The following MXRA7 variants were observed in gnomAD, a reference collection of about 807,000 sequenced individuals.
MXRA7 encodes the protein matrix-remodeling-associated protein 7.
In MXRA7, 18 loss-of-function variants were observed where a neutral mutation model predicts 17.4. The observed-to-expected ratio is 1.03, with a 90% CI of 0.71 to 1.53. MXRA7 has a LOEUF of 1.53. Ranked by LOEUF, MXRA7 falls within the 40% of genes most tolerant of loss-of-function variation. The probability of loss-of-function intolerance (pLI) is 0.00; values close to 1 mark genes in which losing one functional copy is unlikely to be tolerated. For missense variants in MXRA7, 141 were observed against 209.3 expected, an observed-to-expected ratio of 0.67 and a Z score of 2.01; for synonymous variants, 70 against 101.7, an observed-to-expected ratio of 0.69 and a Z score of 1.87.
At chr17:76,695,789 ACAGT>A (rs2076527936) in intron 1 of MXRA7, among the ~76,000 whole-genome samples, 1 of 152,106 alleles carries the variant, frequency 6.6e-6, no homozygotes, top group Admixed American at 6.5e-5. Context: ...TGGGTGTGAC[ACAGT>A]CAGAAATAGT....
At chr17:76,688,010 C>CAA in intron 2 of MXRA7, 103 bp downstream of exon 2, 81 of 658,870 alleles carry the variant, frequency 1.2e-4, no homozygotes, top group East Asian at 2.2e-4. Context: ...CCCACCCCAT[C>CAA]CCTCCCCTCG....
At chr17:76,702,991 G>A (rs2076613178) in intron 1 of MXRA7, among the ~76,000 whole-genome samples, 1 of 150,400 alleles carries the variant, frequency 6.6e-6, no homozygotes, top group African/African-American at 2.4e-5. Flanking sequence ...ACACCACTGG[G>A]CTGGGGGCAT....
At chr17:76,695,198 C>T (rs1354075256) in intron 1 of MXRA7, among the ~76,000 whole-genome samples, 1 of 152,016 alleles carries the variant, frequency 6.6e-6, no homozygotes, top group East Asian at 1.9e-4. Flanking sequence ...ATAAAACCAC[C>T]AGTGTTGACT....
chr17:76,688,102 G>A lies in MXRA7; in HGVS notation c.406+11C>T, dbSNP rs1008897746. The A allele has an allele frequency of 1.2e-6, 2 of 1,612,876 alleles. No individual in the cohort carries two copies. The highest frequency in any genetic ancestry group is 1.1e-5 in the South Asian group (1 of 91,004). ...GTCAGGCCCCCTCATGAGCGCAGAG[G>A]TCCCACTCACCGTCCTCCTCCTCAG... On this transcript the variant is annotated intron_variant, in intron 2 of 3. Coordinates refer to ENST00000449428, the MANE Select transcript of MXRA7 (RefSeq NM_198530.4).
At chr17:76,688,769 G>A in intron 1 of MXRA7, 1 of 964,142 alleles carries the variant, frequency 1.0e-6, no homozygotes, top group Non-Finnish European at 1.3e-6. Context: ...ACTTCAGCTT[G>A]CAGGAATGTC....
At chr17:76,686,356 T>C (rs936059065) in intron 2 of MXRA7, among the ~76,000 whole-genome samples, 3 of 152,094 alleles carry the variant, frequency 2.0e-5, no homozygotes, top group Non-Finnish European at 4.4e-5. Context: ...GGCAGGCGCC[T>C]GTAATCCCAG....
At chr17:76,684,372 A>G (rs2076357187) in intron 3 of MXRA7, among the ~76,000 whole-genome samples, 1 of 152,060 alleles carries the variant, frequency 6.6e-6, no homozygotes, top group South Asian at 2.1e-4. Context: ...ACGCTGCAGA[A>G]GGGCAGCAGT....
chr17:76,706,959 A>C (rs892578011), intron 1 of MXRA7, among the ~76,000 whole-genome samples: 4 of 152,100 alleles, frequency 2.6e-5, no homozygotes, highest in African/African-American at 7.2e-5. Flanking sequence ...TGTGCATGTA[A>C]CTATTTGAAT....
At chr17:76,697,016 A>T (rs1286700333) in intron 1 of MXRA7, among the ~76,000 whole-genome samples, 2 of 152,198 alleles carry the variant, frequency 1.3e-5, no homozygotes, top group Admixed American at 6.5e-5. Context: ...CCTTGGTCCC[A>T]GGAGTGTTCA....
intron 1 of MXRA7, among the ~76,000 whole-genome samples, chr17:76,708,737 A>T (rs1425529716): frequency 3.9e-5 from 6 of 152,134 alleles, no homozygotes; most frequent in Non-Finnish European, 7.4e-5. Flanking sequence ...TGCAGGCAGG[A>T]GTTTTGGGGG....
At chr17:76,686,797 G>C (rs1010448741) in intron 2 of MXRA7, among the ~76,000 whole-genome samples, 5 of 152,160 alleles carry the variant, frequency 3.3e-5, no homozygotes, top group African/African-American at 7.2e-5. Flanking sequence ...ACTGCAGAGG[G>C]GCTGGAGGTG....
At chr17:76,695,285 G>A (rs1048391680) in intron 1 of MXRA7, among the ~76,000 whole-genome samples, 10 of 152,010 alleles carry the variant, frequency 6.6e-5, no homozygotes, top group South Asian at 2.1e-4. Context: ...AAGAAGTGCC[G>A]GTTTCAGACA....
intron 1 of MXRA7, among the ~76,000 whole-genome samples, chr17:76,700,070 C>T (rs910702617): frequency 6.6e-6 from 1 of 152,218 alleles, no homozygotes; most frequent in East Asian, 1.9e-4. Flanking sequence ...AGCGATTCTC[C>T]TGCCTCAGCC....
intron 1 of MXRA7, 123 bp from the exon 2 acceptor site, chr17:76,688,299 C>G: frequency 6.6e-7 from 1 of 1,504,856 alleles, no homozygotes; most frequent in Non-Finnish European, 8.9e-7. Context: ...CGCCCTGTGG[C>G]AGCGCCTGCC....
intron 2 of MXRA7, 96 bp downstream of exon 2, chr17:76,688,017 C>A: frequency 9.6e-7 from 1 of 1,046,988 alleles, no homozygotes; most frequent in South Asian, 1.4e-5. Flanking sequence ...CATCCCTCCC[C>A]TCGGCACTCG....
intron 3 of MXRA7, 46 bp from the exon 4 acceptor site, chr17:76,680,925 C>T (rs1417948478): frequency 4.1e-6 from 6 of 1,452,900 alleles, no homozygotes; most frequent in Non-Finnish European, 5.7e-6. Flanking sequence ...TTTACTCATT[C>T]CATCCTGCAC....
intron 1 of MXRA7, among the ~76,000 whole-genome samples, chr17:76,698,386 G>A (rs980322513): frequency 1.3e-5 from 2 of 151,840 alleles, no homozygotes; most frequent in Non-Finnish European, 2.9e-5. Context: ...GCAAAGCCCA[G>A]CTGGCGCCAG....
At chr17:76,707,277 AG>A (rs1567991503) in intron 1 of MXRA7, among the ~76,000 whole-genome samples, 1 of 145,276 alleles carries the variant, frequency 6.9e-6, no homozygotes, top group Non-Finnish European at 1.5e-5. Flanking sequence ...ACTGCCTTGC[AG>A]GAAGTCCCTA....
At chr17:76,683,977 A>C (rs2076349660) in intron 3 of MXRA7, 1 of 1,434,998 alleles carries the variant, frequency 7.0e-7, no homozygotes, top group East Asian at 2.3e-5. Context: ...CAGCATCCTC[A>C]GCACCTGAGG....
Sources: gnomAD v4.1 joint callset for allele counts (sites outside exome capture counted in the v4.1 genomes callset) on GRCh38, gnomAD v4.1.1 for gene constraint, MANE v1.5 for transcripts, NCBI Gene and HGNC (gene_info 2026-07-23, HGNC 2026-07-21) for gene names.